The following SLC8A1 variants were observed in gnomAD, a reference collection of about 807,000 sequenced individuals.
The protein encoded by SLC8A1 is sodium/calcium exchanger 1.
In SLC8A1, 18 loss-of-function variants were observed where a neutral mutation model predicts 68.3. That is an observed-to-expected ratio of 0.26 (90% CI 0.18 to 0.39). SLC8A1 has a LOEUF of 0.39. SLC8A1 is among the 10% of genes least tolerant of loss of function. The pLI is 1.00. For synonymous variants in SLC8A1, 475 were observed against 415.5 expected (o/e 1.14, Z -1.74); for missense variants, 985 against 1,156.7 (o/e 0.85, Z 2.15).
At chr2:40,356,857 A>C (rs895622925) in intron 2 of SLC8A1, among the ~76,000 whole-genome samples, 1 of 152,214 alleles carries the variant, frequency 6.6e-6, no homozygotes, top group Non-Finnish European at 1.5e-5. Flanking sequence ...TTTCCAGTTT[A>C]ATTACAGAAA....
intron 2 of SLC8A1, among the ~76,000 whole-genome samples, chr2:40,397,717 G>T (rs369450476): frequency 2.0e-5 from 3 of 152,268 alleles, no homozygotes; most frequent in African/African-American, 7.2e-5. Context: ...AAGTGGAAAG[G>T]ATTCTCACCA....
At chr2:40,186,962 G>A (rs1247237738) in intron 2 of SLC8A1, among the ~76,000 whole-genome samples, 1 of 152,204 alleles carries the variant, frequency 6.6e-6, no homozygotes, top group Non-Finnish European at 1.5e-5. Context: ...CTAATGAAAT[G>A]TTAGGTACTA....
intron 7 of SLC8A1, among the ~76,000 whole-genome samples, chr2:40,138,380 G>A (rs1156627408): frequency 6.6e-5 from 10 of 152,194 alleles, no homozygotes. Flanking sequence ...AGTGGACAGT[G>A]AATAGCACCA....
chr2:40,145,207 C>G (rs1270532311), intron 6 of SLC8A1, among the ~76,000 whole-genome samples: 2 of 152,182 alleles, frequency 1.3e-5, no homozygotes, highest in Non-Finnish European at 2.9e-5. Flanking sequence ...TGTCTGGCTT[C>G]TTTCACTTAG....
intron 1 of SLC8A1, among the ~76,000 whole-genome samples, chr2:40,459,341 A>T (rs1043964440): frequency 6.6e-6 from 1 of 151,732 alleles, no homozygotes; most frequent in Admixed American, 6.6e-5. Flanking sequence ...GAGAGTCCCA[A>T]ACAGATAAAA....
At chr2:40,284,026 T>C (rs2067892967) in intron 2 of SLC8A1, among the ~76,000 whole-genome samples, 1 of 152,120 alleles carries the variant, frequency 6.6e-6, no homozygotes, top group African/African-American at 2.4e-5. Flanking sequence ...GGCTTGGCCG[T>C]ATTATGGAAT....
At chr2:40,395,843 C>A (rs1370376348) in intron 2 of SLC8A1, among the ~76,000 whole-genome samples, 1 of 152,036 alleles carries the variant, frequency 6.6e-6, no homozygotes. Flanking sequence ...GCAAGAAGGT[C>A]CTGCTCTAAA....
intron 6 of SLC8A1, among the ~76,000 whole-genome samples, chr2:40,141,031 A>G (rs1354330179): frequency 6.6e-6 from 1 of 152,222 alleles, no homozygotes; most frequent in Non-Finnish European, 1.5e-5. Flanking sequence ...AGTGGTGGCA[A>G]ATACATGTGT....
At chr2:40,203,622 C>G (rs1354681405) in intron 2 of SLC8A1, among the ~76,000 whole-genome samples, 1 of 151,948 alleles carries the variant, frequency 6.6e-6, no homozygotes, top group Non-Finnish European at 1.5e-5. Context: ...AAAACCAATG[C>G]AATAATTTAC....
intron 1 of SLC8A1, 54 bp from the exon 2 acceptor site, chr2:40,430,358 T>A: frequency 6.7e-7 from 1 of 1,492,272 alleles, no homozygotes; most frequent in South Asian, 1.4e-5. Flanking sequence ...TCATTAGAGC[T>A]GCAGCCAAAG....
chr2:40,214,462 A>T (rs1465460982), intron 2 of SLC8A1, among the ~76,000 whole-genome samples: 4 of 144,850 alleles, frequency 2.8e-5, no homozygotes, highest in African/African-American at 7.7e-5. Flanking sequence ...CTCTTTTCTG[A>T]GATGGAGTCT....
chr2:40,101,237 T>C (rs1336128235), exon 8 of SLC8A1: 2 of 152,108 alleles, frequency 1.3e-5, no homozygotes, highest in African/African-American at 4.8e-5. Flanking sequence ...TCATCTGTGG[T>C]TTTCAAGCTT....
intron 6 of SLC8A1, among the ~76,000 whole-genome samples, chr2:40,160,303 G>A (rs568050782): frequency 6.6e-6 from 1 of 152,218 alleles, no homozygotes; most frequent in Non-Finnish European, 1.5e-5. Flanking sequence ...TCTAGAGCCA[G>A]TGCAAACACG....
intron 2 of SLC8A1, among the ~76,000 whole-genome samples, chr2:40,313,961 CT>C (rs2074093331): frequency 6.6e-6 from 1 of 151,916 alleles, no homozygotes; most frequent in South Asian, 2.1e-4. Flanking sequence ...CCAGTATTTT[CT>C]TTCAGTCTAG....
chr2:40,161,008 G>A (rs895572516), intron 5 of SLC8A1, 144 bp from the exon 9 acceptor site: 4 of 614,810 alleles, frequency 6.5e-6, no homozygotes, highest in South Asian at 3.9e-5. Flanking sequence ...ATCAAACACT[G>A]TTATGATTAT....
At chr2:40,395,314 G>C (rs1686573284) in intron 2 of SLC8A1, among the ~76,000 whole-genome samples, 1 of 152,158 alleles carries the variant, frequency 6.6e-6, no homozygotes, top group African/African-American at 2.4e-5. Flanking sequence ...AGGTAAATCA[G>C]ATCTCAAATC....
intron 1 of SLC8A1, among the ~76,000 whole-genome samples, chr2:40,462,001 C>CTTTTTTTTTTTTTGTTTTTTTTTTTTT (rs1703369319): frequency 1.5e-5 from 1 of 66,176 alleles, no homozygotes; most frequent in Non-Finnish European, 2.9e-5. Context: ...TAAAATCCTC[C>CTTTTTTTTTTTTTGTTTTTTTTTTTTT]TTTTTTTTTT....
At chr2:40,360,124 G>T (rs1193215341) in intron 2 of SLC8A1, among the ~76,000 whole-genome samples, 1 of 152,064 alleles carries the variant, frequency 6.6e-6, no homozygotes, top group East Asian at 1.9e-4. Context: ...CATTTTAGAG[G>T]TAAGTAAAAT....
rs529329518 is a variant in SLC8A1, at chr2:40,132,164, G to A, written c.2437+7237C>T. 2.6e-5 allele frequency among the ~76,000 whole-genome samples: 4 copies of A among 151,958 alleles called. No individual in the cohort carries two copies. The South Asian group carries it at 6.2e-4, about 24-fold the overall frequency. On this transcript the variant is annotated intron_variant, in intron 7 of 7. Transcript: ENST00000406785. ...TAAAAATTTCTTAAAACGTTTGTGA[G>A]GCATATGGAAAAGAGCATATGCAAT... is the stretch of plus-strand genomic sequence containing the variant.
Sources: gnomAD v4.1 joint callset for allele counts (sites outside exome capture counted in the v4.1 genomes callset) on GRCh38, gnomAD v4.1.1 for gene constraint, MANE v1.5 for transcripts, NCBI Gene and HGNC (gene_info 2026-07-23, HGNC 2026-07-21) for gene names.